TENT4A: variants seen among roughly 807,000 people sequenced by gnomAD.
TENT4A encodes the protein DNA polymerase kappa.
TENT4A carries 7 observed loss-of-function variants against 72.8 expected under a neutral mutation model. The ratio of observed to expected loss-of-function variants is 0.10; its 90% CI spans 0.05 to 0.18. TENT4A has a LOEUF of 0.18. Among genes scored for constraint, TENT4A ranks in the 10% least tolerant of loss-of-function variants. The pLI is 1.00. For missense variants in TENT4A, 831 were observed against 1,017.7 expected (o/e 0.82, Z 2.50); for synonymous variants, 456 against 434.3 (o/e 1.05, Z -0.62).
chr5:6,724,685 A>T (rs898539821), intron 1 of TENT4A, among the ~76,000 whole-genome samples: 1 of 152,240 alleles, frequency 6.6e-6, no homozygotes, highest in Non-Finnish European at 1.5e-5. Context: ...TTGGTTTTAG[A>T]ATAAAATAAC....
chr5:6,740,141 A>G (rs201199280), intron 4 of TENT4A, among the ~76,000 whole-genome samples: 30 of 152,266 alleles, frequency 2.0e-4, no homozygotes, highest in African/African-American at 6.7e-4. Context: ...GTTAGGATGA[A>G]TAGGAAAGGA....
At chr5:6,727,596 G>T (rs1740997693) in intron 1 of TENT4A, among the ~76,000 whole-genome samples, 2 of 152,140 alleles carry the variant, frequency 1.3e-5, no homozygotes, top group South Asian at 4.1e-4. Flanking sequence ...CCAGAGTGCT[G>T]TCCCCTTGTC....
intron 1 of TENT4A, 79 bp downstream of exon 1, chr5:6,714,778 C>A: frequency 1.9e-6 from 1 of 517,874 alleles, no homozygotes; most frequent in Non-Finnish European, 2.7e-6. Context: ...ACACCCGTCC[C>A]AGGCGCCCGG....
chr5:6,743,587 G>C, intron 5 of TENT4A, 125 bp from the exon 6 acceptor site: 1 of 723,266 alleles, frequency 1.4e-6, no homozygotes, highest in Non-Finnish European at 2.3e-6. Context: ...CTTAATGACT[G>C]AGAGCCTTCA....
chr5:6,746,484 G>T (rs1742104505), intron 7 of TENT4A, 57 bp downstream of exon 7: 2 of 1,540,990 alleles, frequency 1.3e-6, no homozygotes, highest in East Asian at 4.5e-5. Context: ...GGACGTGCTG[G>T]TGACAGGGCC....
At chr5:6,722,547 G>GTTTTTTTTTT (rs55840324) in intron 1 of TENT4A, among the ~76,000 whole-genome samples, 1 of 123,262 alleles carries the variant, frequency 8.1e-6, no homozygotes, top group Non-Finnish European at 1.6e-5. Context: ...GCATTTGTTA[G>GTTTTTTTTTT]TTTTTTTTTT....
intron 5 of TENT4A, among the ~76,000 whole-genome samples, chr5:6,743,345 T>C (rs905170433): frequency 2.0e-5 from 3 of 152,142 alleles, no homozygotes; most frequent in Non-Finnish European, 4.4e-5. Flanking sequence ...CTTGCCAGCC[T>C]CACTCTGCTC....
chr5:6,737,077 C>T (rs1561035873), intron 1 of TENT4A, among the ~76,000 whole-genome samples: 1 of 152,240 alleles, frequency 6.6e-6, no homozygotes, highest in African/African-American at 2.4e-5. Flanking sequence ...CAGTCCCTCC[C>T]ATGCTCCTTA....
intron 5 of TENT4A, among the ~76,000 whole-genome samples, chr5:6,743,136 G>A (rs905284372): frequency 6.6e-5 from 10 of 152,182 alleles, no homozygotes; most frequent in African/African-American, 2.4e-4. Flanking sequence ...TTGCAGTAGA[G>A]GCTGTTGCAA....
intron 1 of TENT4A, among the ~76,000 whole-genome samples, chr5:6,734,622 T>C (rs1036437708): frequency 1.3e-5 from 2 of 152,276 alleles, no homozygotes; most frequent in African/African-American, 4.8e-5. Flanking sequence ...CTGTCTCTTA[T>C]TATCTAATAT....
chr5:6,755,027 G>A lies in TENT4A; in HGVS notation c.*82G>A. On this transcript the variant is annotated 3_prime_UTR_variant, in exon 13 of 13. Coordinates refer to ENST00000230859, the MANE Select transcript of TENT4A (RefSeq NM_006999.6). ...GCCACCGGCAGGGGAACCGAGACCA[G>A]CACCCCGCACGTCAGCCGGGCTCGC... The A allele has an allele frequency of 7.9e-7, 1 of 1,267,332 alleles. No individual in the cohort carries two copies. The highest frequency in any genetic ancestry group is 1.1e-6 in the Non-Finnish European group (1 of 944,278). The allele number at this position is 1,267,332 out of a possible 1,614,324, so 78.5% of individuals were successfully genotyped here.
intron 1 of TENT4A, among the ~76,000 whole-genome samples, chr5:6,723,403 T>C (rs1740757268): frequency 7.5e-6 from 1 of 133,634 alleles, no homozygotes; most frequent in Non-Finnish European, 1.6e-5. Flanking sequence ...GTGGCTCGTG[T>C]GTGGGGCTCT....
chr5:6,733,156 C>A (rs1378171818), intron 1 of TENT4A, among the ~76,000 whole-genome samples: 1 of 152,228 alleles, frequency 6.6e-6, no homozygotes, highest in Non-Finnish European at 1.5e-5. Context: ...AGAGTGCCAG[C>A]CTAATGTGTC....
intron 11 of TENT4A, among the ~76,000 whole-genome samples, chr5:6,752,615 G>A (rs1020554620): frequency 3.9e-5 from 6 of 152,240 alleles, no homozygotes; most frequent in African/African-American, 7.2e-5. Flanking sequence ...TGTCTTGATC[G>A]TTTGATCTTC....
chr5:6,721,914 C>G, intron 1 of TENT4A, among the ~76,000 whole-genome samples: 1 of 152,270 alleles, frequency 6.6e-6, no homozygotes, highest in Middle Eastern at 3.4e-3. Flanking sequence ...TTCTGTCTTT[C>G]CGTTTGAAAG....
Position 6,714,399 on chromosome 5 carries a change from G to A in TENT4A, c.416G>A (p.Gly139Asp). 2.6e-6 allele frequency: 3 copies of A among 1,136,514 alleles called. No homozygotes were observed. Among genetic ancestry groups the A allele is most frequent in the Non-Finnish European group, 2.2e-6 (2 of 927,880 alleles). 70.4% of individuals were successfully genotyped at this position (1,136,514 alleles called of 1,614,324 possible). Reference sequence around the variant, plus strand: ...TCGTCCTCCAGCAGCGCCTCGCTGGGCCGGCCGGGCGGCGGCCGCGGCGGC... The same window carrying A: ...TCGTCCTCCAGCAGCGCCTCGCTGGACCGGCCGGGCGGCGGCCGCGGCGGC... ...SSSSSSSASL[G>D]RPGGGRGGAF... Residue 139 changes from glycine to aspartate, a missense_variant, in exon 1 of 13, where the codon GGC (glycine) becomes GAC (aspartate). This residue lies in a region of TENT4A where 302 missense variants were observed against 293.8 expected (regional missense o/e 1.03). Transcript: ENST00000230859.
rs375314494 is a variant in TENT4A at position 6,737,624 on chromosome 5, G to A, written c.831G>A (p.Pro277=). ...AAACTGTGGTGAAAGACCTTTGGCCGACGGCTGATGTGAGTATGTTCTTTG... is the reference window on the plus strand; with the variant it reads ...AAACTGTGGTGAAAGACCTTTGGCCAACGGCTGATGTGAGTATGTTCTTTG... The part of the protein sequence containing the change: ...RIETVVKDLW[P]TADVQIFGSF... The change falls in exon 2 of 13, where the codon CCG becomes CCA. Residue 277 remains proline (P), a synonymous_variant. Coordinates refer to ENST00000230859, the MANE Select transcript of TENT4A (RefSeq NM_006999.6). 4.5e-5 allele frequency: 73 copies of A among 1,613,822 alleles called. No individual in the cohort carries two copies. Among genetic ancestry groups the A allele is most frequent in the Non-Finnish European group, 4.9e-5 (58 of 1,179,942 alleles).
intron 1 of TENT4A, 21 bp downstream of exon 1, chr5:6,714,720 C>T (rs1440870070): frequency 1.0e-5 from 12 of 1,154,584 alleles, no homozygotes; most frequent in Non-Finnish European, 1.2e-5. Context: ...GGGGAGGCCG[C>T]GGGGGCGGGG....
chr5:6,738,308 T>C (rs1475661724), intron 2 of TENT4A, among the ~76,000 whole-genome samples: 2 of 152,122 alleles, frequency 1.3e-5, no homozygotes, highest in East Asian at 3.9e-4. Flanking sequence ...TCTTTTAAAA[T>C]GATACAGATT....
Sources: allele counts gnomAD v4.1 joint callset (sites outside exome capture counted in the v4.1 genomes callset), GRCh38; gene constraint gnomAD v4.1.1; regional missense constraint gnomAD v4.1.1; transcripts MANE v1.5; gene names NCBI Gene and HGNC (gene_info 2026-07-23, HGNC 2026-07-21).